Variants in CSMD3 observed in about 807,000 individuals in gnomAD.
The protein encoded by CSMD3 is CUB and Sushi multiple domains 3.
A neutral mutation model predicts 435.2 loss-of-function variants in CSMD3; 177 were observed. The ratio of observed to expected loss-of-function variants is 0.41; its 90% CI spans 0.36 to 0.46. The LOEUF is 0.46. CSMD3 is among the 20% of genes least tolerant of loss of function. The pLI is 0.34. For synonymous variants in CSMD3, 1,656 were observed against 1,520.5 expected, an observed-to-expected ratio of 1.09 and a Z score of -2.07; for missense variants, 4,265 against 4,504.6, an observed-to-expected ratio of 0.95 and a Z score of 1.52.
chr8:112,390,375 G>C (rs1009989055), intron 36 of CSMD3, among the ~76,000 whole-genome samples: 1 of 152,054 alleles, frequency 6.6e-6, no homozygotes, highest in Non-Finnish European at 1.5e-5. Context: ...AAATAACGTG[G>C]GTGAGGAAAG....
At chr8:112,416,139 G>A (rs1449915015) in intron 32 of CSMD3, among the ~76,000 whole-genome samples, 1 of 152,172 alleles carries the variant, frequency 6.6e-6, no homozygotes, top group Non-Finnish European at 1.5e-5. Context: ...ATCTTGAATT[G>A]TAGTTCCCAT....
chr8:112,252,265 G>C (rs1815334714), intron 63 of CSMD3, among the ~76,000 whole-genome samples: 1 of 152,064 alleles, frequency 6.6e-6, no homozygotes, highest in South Asian at 2.1e-4. Flanking sequence ...ATCTGGAATT[G>C]AGATTGAGAT....
intron 12 of CSMD3, among the ~76,000 whole-genome samples, chr8:112,826,997 T>C (rs575095702): frequency 6.6e-6 from 1 of 151,578 alleles, no homozygotes; most frequent in African/African-American, 2.4e-5. Context: ...AACATTGAAA[T>C]AGGGTGAAAA....
At chr8:112,644,002 T>C (rs906656357) in intron 20 of CSMD3, among the ~76,000 whole-genome samples, 3 of 151,726 alleles carry the variant, frequency 2.0e-5, no homozygotes, top group African/African-American at 7.2e-5. Flanking sequence ...TTTTCTTTTT[T>C]TAGATTTTCT....
At chr8:113,253,284 T>C (rs1297842195) in intron 3 of CSMD3, among the ~76,000 whole-genome samples, 2 of 151,840 alleles carry the variant, frequency 1.3e-5, no homozygotes, top group Non-Finnish European at 2.9e-5. Context: ...AATGTGCAGG[T>C]TTGTTACATA....
intron 11 of CSMD3, among the ~76,000 whole-genome samples, chr8:112,853,001 T>A (rs1587480500): frequency 6.6e-6 from 1 of 152,192 alleles, no homozygotes; most frequent in East Asian, 1.9e-4. Context: ...GGAATTTTTA[T>A]TAGTAATGTT....
At chr8:113,421,125 T>G (rs1039084640) in intron 1 of CSMD3, among the ~76,000 whole-genome samples, 1 of 152,110 alleles carries the variant, frequency 6.6e-6, no homozygotes, top group Non-Finnish European at 1.5e-5. Flanking sequence ...GCTTTTCATA[T>G]TCCAAATTTC....
chr8:112,907,198 C>T (rs1344112510), intron 10 of CSMD3, among the ~76,000 whole-genome samples: 2 of 151,384 alleles, frequency 1.3e-5, no homozygotes, highest in African/African-American at 2.4e-5. Context: ...AAAGAATAGT[C>T]CCTATCTAAG....
intron 9 of CSMD3, among the ~76,000 whole-genome samples, chr8:112,933,439 G>A (rs1169908611): frequency 6.6e-6 from 1 of 152,084 alleles, no homozygotes; most frequent in Admixed American, 6.6e-5. Context: ...ATGATTGTTA[G>A]AAAAGACATG....
At chr8:113,429,402 G>A (rs2094656724) in intron 1 of CSMD3, among the ~76,000 whole-genome samples, 1 of 151,766 alleles carries the variant, frequency 6.6e-6, no homozygotes, top group Non-Finnish European at 1.5e-5. Context: ...CAGATTATAA[G>A]AAATAAATAA....
At chr8:112,442,662 A>T (rs985160365) in intron 32 of CSMD3, among the ~76,000 whole-genome samples, 3 of 152,174 alleles carry the variant, frequency 2.0e-5, no homozygotes, top group African/African-American at 7.2e-5. Context: ...CAGCTCGAGA[A>T]TCCATTCTCT....
Position 112,374,651 on chromosome 8 carries a change from G to C in CSMD3, c.6136+5701C>G, listed in dbSNP as rs189963438. Among the ~76,000 whole-genome samples, 14 of 152,244 alleles carry C rather than the reference G, an allele frequency of 9.2e-5. No individual in the cohort carries two copies. The East Asian group carries it at 2.7e-3, about 29-fold the overall frequency. ...AATTATATTTACTTTAATTCAGGAA[G>C]TTTTCAAATAATAATGTTCCATTTA... is the stretch of plus-strand genomic sequence containing the variant. On this transcript the variant is annotated intron_variant, in intron 38 of 70. Coordinates refer to ENST00000297405, the MANE Select transcript of CSMD3 (RefSeq NM_198123.2).
chr8:113,287,130 T>C (rs1003425416), intron 2 of CSMD3, among the ~76,000 whole-genome samples: 1 of 152,092 alleles, frequency 6.6e-6, no homozygotes, highest in Non-Finnish European at 1.5e-5. Flanking sequence ...TCAAACTCCA[T>C]TGCCCTTTTT....
At chr8:113,323,353 A>C (rs917746123) in intron 1 of CSMD3, among the ~76,000 whole-genome samples, 1 of 152,206 alleles carries the variant, frequency 6.6e-6, no homozygotes, top group African/African-American at 2.4e-5. Context: ...CAAATTACTC[A>C]ATTGTTATTC....
chr8:112,226,911 C>T (rs997916710), intron 70 of CSMD3, among the ~76,000 whole-genome samples: 8 of 152,106 alleles, frequency 5.3e-5, no homozygotes, highest in African/African-American at 1.9e-4. Context: ...CCCCCCAAAC[C>T]TGGAAAATAA....
At chr8:113,100,020 G>C (rs1207819848) in intron 4 of CSMD3, among the ~76,000 whole-genome samples, 3 of 151,952 alleles carry the variant, frequency 2.0e-5, no homozygotes, top group Non-Finnish European at 2.9e-5. Context: ...AATGGAGATG[G>C]ACAATATCTT....
chr8:112,778,693 T>C (rs998902172), intron 13 of CSMD3, among the ~76,000 whole-genome samples: 1 of 152,004 alleles, frequency 6.6e-6, no homozygotes, highest in Admixed American at 6.6e-5. Flanking sequence ...TTTGCGTAAA[T>C]TTCAAGGAGC....
chr8:113,356,538 A>C (rs910238411), intron 1 of CSMD3, among the ~76,000 whole-genome samples: 9 of 152,184 alleles, frequency 5.9e-5, no homozygotes, highest in African/African-American at 2.2e-4. Context: ...ATTTCATGAG[A>C]GAAAGTAAGC....
chr8:113,385,275 C>G (rs2094434561), intron 1 of CSMD3, among the ~76,000 whole-genome samples: 1 of 152,000 alleles, frequency 6.6e-6, no homozygotes, highest in Non-Finnish European at 1.5e-5. Flanking sequence ...AGCCTTAAAA[C>G]TTTACCCTAA....
Sources: gnomAD v4.1 joint callset for allele counts (sites outside exome capture counted in the v4.1 genomes callset) on GRCh38, gnomAD v4.1.1 for gene constraint, MANE v1.5 for transcripts, NCBI Gene and HGNC (gene_info 2026-07-23, HGNC 2026-07-21) for gene names.